CEP68: variants seen among roughly 807,000 people sequenced by gnomAD.
CEP68 encodes the protein centrosomal protein of 68 kDa.
A neutral mutation model predicts 55.3 loss-of-function variants in CEP68; 26 were observed. The ratio of observed to expected loss-of-function variants is 0.47; its 90% CI spans 0.34 to 0.65. CEP68 has a LOEUF of 0.65. Among genes scored for constraint, CEP68 ranks in the 30% least tolerant of loss-of-function variants. The pLI is 0.01. For missense variants in CEP68, 957 were observed against 946.7 expected (o/e 1.01, Z -0.14); for synonymous variants, 402 against 383.2 (o/e 1.05, Z -0.57).
chr2:65,057,014 C>A (rs977714974), intron 1 of CEP68, among the ~76,000 whole-genome samples: 1 of 100,354 alleles, frequency 1.0e-5, no homozygotes, highest in Non-Finnish European at 2.0e-5. Context: ...GTGATGTCTT[C>A]TTATCGCCGC....
chr2:65,072,327 T>C lies in CEP68; in HGVS notation c.1231T>C (p.Trp411Arg), dbSNP rs775902086. 3.7e-6 allele frequency: 6 copies of C among 1,613,902 alleles called. No individual in the cohort carries two copies. The highest frequency in any genetic ancestry group is 5.1e-6 in the Non-Finnish European group (6 of 1,179,996). ...AGCCCCAGGCAGTAGGGATGCTCGTTGGGAGCGCAGAGAGCCAGCCCTGAG... is the reference window on the plus strand; with the variant it reads ...AGCCCCAGGCAGTAGGGATGCTCGTCGGGAGCGCAGAGAGCCAGCCCTGAG... ...PRAPGSRDAR[W>R]ERREPALRGA... Residue 411 changes from tryptophan to arginine, a missense_variant, in exon 3 of 7, where the codon TGG becomes CGG. Trp to Arg is a moderately radical substitution (Grantham distance 101). Transcript: ENST00000377990.
At chr2:65,082,757 AAC>A (rs1265950512) in intron 6 of CEP68, 48 bp downstream of exon 6, 4 of 1,454,478 alleles carry the variant, frequency 2.8e-6, no homozygotes, top group Non-Finnish European at 3.7e-6. Context: ...ACCCTGCTGT[AAC>A]AGTTGGCCAC....
At position 65,072,790 on chromosome 2, in the gene CEP68, C is replaced by T. The variant is rs553908550; in HGVS notation, c.1694C>T (p.Ala565Val). Residue 565 changes from alanine (A) to valine (V), a missense_variant, in exon 3 of 7, where the codon GCC becomes GTC. Transcript: ENST00000377990. ...NPCFLRSFVR[A>V]HDSAGEGSLG... ...TGTTTCCTGCGCTCCTTCGTCCGTG[C>T]CCACGACTCCGCAGGGGAAGGCAGT... 5 of 1,614,160 alleles carry T rather than the reference C, an allele frequency of 3.1e-6. No homozygotes were observed. The Admixed American group carries it at 8.3e-5, about 27-fold the overall frequency.
At chr2:65,069,352 C>T in intron 1 of CEP68, 47 bp from the exon 2 acceptor site, 1 of 1,005,562 alleles carries the variant, frequency 9.9e-7, no homozygotes, top group Non-Finnish European at 1.4e-6. Context: ...TTCCTGAACA[C>T]AGATGTAGAA....
chr2:65,080,196 A>G (rs1676943584), intron 5 of CEP68: 1 of 973,610 alleles, frequency 1.0e-6, no homozygotes, highest in South Asian at 4.8e-5. Flanking sequence ...AATCAATTTA[A>G]TAATACTTTT....
rs571644041 is a variant in CEP68, at chr2:65,080,127, C to T, written c.2104+2163C>T. On this transcript the variant is annotated intron_variant, in intron 5 of 6. Transcript: ENST00000377990. The stretch of plus-strand genomic sequence containing the variant: ...CAGCCTGGGCAACAAGAGCGAAATT[C>T]CTTCTCAAAAAAAAAAAAGGCCTCT... 1.2e-5 allele frequency: 7 copies of T among 579,786 alleles called. No homozygotes were observed. In the East Asian group the frequency reaches 1.0e-3, roughly 86 times the overall value. The allele number at this position is 579,786 out of a possible 1,614,324, so 35.9% of individuals were successfully genotyped here.
In CEP68 at chr2:65,069,574, C is replaced by A; in HGVS notation, c.130C>A (p.Arg44Ser). 6.2e-7 allele frequency: 1 copy of A among 1,613,312 alleles called. No homozygotes were observed. Among genetic ancestry groups the A allele is most frequent in the Non-Finnish European group, 8.5e-7 (1 of 1,179,450 alleles). Reference sequence around the variant, plus strand: ...GCCCATGAGTGGGGAGCAGCCCCCACGCCTGGAAGCTGAGGGAGGGCTCAT... The same window carrying A: ...GCCCATGAGTGGGGAGCAGCCCCCAAGCCTGGAAGCTGAGGGAGGGCTCAT... ...PGPMSGEQPP[R>S]LEAEGGLISP... Residue 44 changes from arginine (R) to serine (S), a missense_variant, in exon 2 of 7, where the codon CGC (arginine) becomes AGC (serine). By Grantham distance (110) the Arg-to-Ser change is moderately radical. Coordinates refer to ENST00000377990, the MANE Select transcript of CEP68 (RefSeq NM_015147.3).
At chr2:65,078,714 T>TG (rs1358112080) in intron 5 of CEP68, among the ~76,000 whole-genome samples, 5 of 152,180 alleles carry the variant, frequency 3.3e-5, no homozygotes, top group East Asian at 1.9e-4. Flanking sequence ...GCTATTTTTT[T>TG]TGTGTTTTTA....
At chr2:65,062,693 C>G (rs1422141512) in intron 1 of CEP68, among the ~76,000 whole-genome samples, 1 of 151,834 alleles carries the variant, frequency 6.6e-6, no homozygotes, top group African/African-American at 2.4e-5. Context: ...AAAAATGAAC[C>G]ACGCATGGTG....
In CEP68 at chr2:65,086,200, T is replaced by G. The variant is rs748270774; in HGVS notation, c.*2566T>G. 1 of 152,240 alleles carries G rather than the reference T, an allele frequency of 6.6e-6. No homozygotes were observed. The highest frequency in any genetic ancestry group is 1.5e-5 in the Non-Finnish European group (1 of 68,046). 9.4% of individuals were successfully genotyped at this position (152,240 alleles called of 1,614,324 possible). ...CCAAGGTCGAAGAATAGGAAATTAC[T>G]GCTCAGACCACAATGACTATCATTC... On this transcript the variant is annotated 3_prime_UTR_variant, in exon 7 of 7. Coordinates refer to ENST00000377990, the MANE Select transcript of CEP68 (RefSeq NM_015147.3).
intron 3 of CEP68, 189 bp downstream of exon 3, chr2:65,073,169 G>A: frequency 2.7e-6 from 2 of 733,022 alleles, no homozygotes; most frequent in South Asian, 3.1e-5. Context: ...TTTACTTTTT[G>A]GAGGAAAGAG....
At chr2:65,073,163 C>A in intron 3 of CEP68, 183 bp downstream of exon 3, 2 of 756,734 alleles carry the variant, frequency 2.6e-6, no homozygotes, top group Non-Finnish European at 4.6e-6. Context: ...TCTCATTTTA[C>A]TTTTTGGAGG....
At chr2:65,080,392 C>T (rs1033484818) in intron 5 of CEP68, 45 of 985,172 alleles carry the variant, frequency 4.6e-5, no homozygotes, top group Non-Finnish European at 5.2e-5. Context: ...CCAGCGGGTG[C>T]AAAACTTAAC....
At position 65,067,232 on chromosome 2, in the gene CEP68, T is replaced by C. The variant is rs146260504; in HGVS notation, c.-46-2167T>C. ...ATCTCTACTAAAAATATAAAAAAAT[T>C]AGCCAGGCATGGTGGCGCACGCCTG... On this transcript the variant is annotated intron_variant, in intron 1 of 6. Coordinates refer to ENST00000377990, the MANE Select transcript of CEP68 (RefSeq NM_015147.3). Among the ~76,000 whole-genome samples the C allele has an allele frequency of 1.2e-3, 187 of 151,946 alleles. 1 individual carries two copies. Among genetic ancestry groups the C allele is most frequent in the African/African-American group, 4.1e-3 (170 of 41,424 alleles).
chr2:65,066,933 CAAA>C (rs1024556121), intron 1 of CEP68, among the ~76,000 whole-genome samples: 1 of 129,440 alleles, frequency 7.7e-6, no homozygotes. Context: ...GACTCTGTCT[CAAA>C]AAAAAAAAAG....
intron 1 of CEP68, among the ~76,000 whole-genome samples, chr2:65,061,537 C>CT (rs1251192804): frequency 5.9e-5 from 9 of 152,374 alleles, no homozygotes; most frequent in African/African-American, 2.2e-4. Flanking sequence ...AGCTTTGAGT[C>CT]TTTTCTTCAT....
intron 5 of CEP68, among the ~76,000 whole-genome samples, chr2:65,081,116 CAGG>C (rs1360945167): frequency 3.3e-5 from 5 of 151,314 alleles, no homozygotes; most frequent in Non-Finnish European, 7.4e-5. Flanking sequence ...GAGGATGAGG[CAGG>C]AGAATCGCTT....
chr2:65,061,295 G>A (rs1675903589), intron 1 of CEP68, among the ~76,000 whole-genome samples: 1 of 152,220 alleles, frequency 6.6e-6, no homozygotes, highest in Non-Finnish European at 1.5e-5. Flanking sequence ...GAGTGAGAAG[G>A]CGAGGGAACA....
Position 65,069,664 on chromosome 2 carries a change from G to A in CEP68, c.220G>A (p.Gly74Ser), listed in dbSNP as rs7572857. 0.16 allele frequency: 256,477 copies of A among 1,613,870 alleles called. 22,225 individuals are homozygous for A. Among genetic ancestry groups the A allele is most frequent in the Middle Eastern group, 0.23 (1,381 of 6,062 alleles). ...TTGCTGGATTGGGACTGACCCTGGCGGCCCCTCTAGAGCCCACCAGCCACA... is the reference window on the plus strand; with the variant it reads ...TTGCTGGATTGGGACTGACCCTGGCAGCCCCTCTAGAGCCCACCAGCCACA... ...PTCWIGTDPG[G>S]PSRAHQPQAS... is the part of the protein sequence containing the mutation. The change falls in exon 2 of 7, where the codon GGC becomes AGC. Residue 74 changes from glycine (G) to serine (S), a missense_variant. By Grantham distance (56) the Gly-to-Ser change is moderately conservative. Coordinates refer to ENST00000377990, the MANE Select transcript of CEP68 (RefSeq NM_015147.3).
Sources: allele counts gnomAD v4.1 joint callset (sites outside exome capture counted in the v4.1 genomes callset), GRCh38; gene constraint gnomAD v4.1.1; transcripts MANE v1.5; gene names NCBI Gene and HGNC (gene_info 2026-07-23, HGNC 2026-07-21).